Variants in CROT observed in about 807,000 individuals in gnomAD.
CROT encodes carnitine O-octanoyltransferase.
A neutral mutation model predicts 89.2 loss-of-function variants in CROT; 84 were observed. The ratio of observed to expected loss-of-function variants is 0.94; its 90% confidence interval spans 0.79 to 1.13. The LOEUF is 1.13. CROT is among the 50% of genes most tolerant of loss of function. The probability of loss-of-function intolerance (pLI) is 0.00; values close to 1 mark genes in which losing one functional copy is unlikely to be tolerated. For synonymous variants in CROT, 212 were observed against 239.5 expected (o/e 0.89, Z 1.06); for missense variants, 711 against 727.8 (o/e 0.98, Z 0.27).
chr7:87,375,790 C>T, intron 8 of CROT, 38 bp from the exon 9 acceptor site: 1 of 1,612,452 alleles, frequency 6.2e-7, no homozygotes, highest in South Asian at 1.1e-5. Context: ...TATTGTATTT[C>T]AGTTGTAATA....
intron 4 of CROT, 32 bp downstream of exon 4, chr7:87,359,362 G>A (rs997718879): frequency 1.1e-5 from 17 of 1,550,210 alleles, no homozygotes; most frequent in Non-Finnish European, 1.5e-5. Context: ...TAATGATGAT[G>A]TTTAAAGAAT....
chr7:87,392,834 G>A lies in CROT; in HGVS notation c.1598+11G>A, dbSNP rs1270099455. The A allele has an allele frequency of 4.3e-6, 7 of 1,611,458 alleles. No individual in the cohort carries two copies. Among genetic ancestry groups the A allele is most frequent in the South Asian group, 1.1e-5 (1 of 90,654 alleles). Reference sequence around the variant, plus strand: ...ACTTTTTTCCAAAAGGTAATATAGTGTAGTGTTTTACAGCTTCATCAATTG... The same window carrying A: ...ACTTTTTTCCAAAAGGTAATATAGTATAGTGTTTTACAGCTTCATCAATTG... On this transcript the variant is annotated intron_variant, in intron 16 of 17. Transcript: ENST00000331536.
Position 87,390,812 on chromosome 7 carries a change from T to G in CROT, c.1302-777T>G, listed in dbSNP as rs31642. On this transcript the variant is annotated intron_variant, in intron 13 of 17. Transcript: ENST00000331536. ...TATTACCTATTTCTGTGTAATAAAT[T>G]ACCCCAAAACGTAGTGGCTTAAAAC... Among the ~76,000 whole-genome samples the G allele has an allele frequency of 8.6e-3, 1,305 of 152,332 alleles. 30 individuals carry two copies. Among genetic ancestry groups the G allele is most frequent in the African/African-American group, 0.03 (1,233 of 41,562 alleles).
chr7:87,375,724 A>T lies in CROT; in HGVS notation c.749A>T (p.Lys250Met). 1 of 1,613,398 alleles carries T rather than the reference A, an allele frequency of 6.2e-7. No homozygotes were observed. Among genetic ancestry groups the T allele is most frequent in the Non-Finnish European group, 8.5e-7 (1 of 1,179,426 alleles). Residue 250 changes from lysine (K) to methionine (M), a missense_variant and splice_region_variant, in exon 8 of 18, where the codon AAG (lysine) becomes ATG (methionine). Lys to Met is a moderately conservative substitution (Grantham distance 95). Transcript: ENST00000331536. ...LTSEERTRWA[K>M]AREYLIGLDP... The stretch of plus-strand genomic sequence containing the variant: ...AGTGAGGAGCGAACTCGATGGGCTA[A>T]GGTTCTGATTTACACTTTTCTTAAC...
chr7:87,379,927 A>T (rs1434312117), intron 10 of CROT, among the ~76,000 whole-genome samples: 1 of 152,118 alleles, frequency 6.6e-6, no homozygotes, highest in Non-Finnish European at 1.5e-5. Context: ...CTTGGGCAAC[A>T]TAGTGAGACC....
chr7:87,358,827 C>T (rs1806182719), intron 3 of CROT, among the ~76,000 whole-genome samples: 1 of 152,136 alleles, frequency 6.6e-6, no homozygotes, highest in South Asian at 2.1e-4. Flanking sequence ...TGGACCTGTG[C>T]AGTTCAAACT....
At chr7:87,381,053 C>T (rs1420458685) in intron 10 of CROT, among the ~76,000 whole-genome samples, 1 of 152,164 alleles carries the variant, frequency 6.6e-6, no homozygotes, top group African/African-American at 2.4e-5. Context: ...ATACAGGCTA[C>T]AGAGCTATAG....
At chr7:87,372,999 T>C (rs1369477845) in intron 7 of CROT, among the ~76,000 whole-genome samples, 1 of 152,090 alleles carries the variant, frequency 6.6e-6, no homozygotes, top group African/African-American at 2.4e-5. Flanking sequence ...ATTTTAGGGG[T>C]AGAATTGCCA....
intron 3 of CROT, among the ~76,000 whole-genome samples, chr7:87,356,604 A>G (rs1309774318): frequency 6.6e-6 from 1 of 152,218 alleles, no homozygotes; most frequent in Non-Finnish European, 1.5e-5. Context: ...CACCAGAATG[A>G]TAACAGGCTG....
At chr7:87,360,862 T>C (rs1242536685) in intron 4 of CROT, among the ~76,000 whole-genome samples, 2 of 152,200 alleles carry the variant, frequency 1.3e-5, no homozygotes, top group African/African-American at 2.4e-5. Context: ...TTTTTGATAG[T>C]GTAGTTAAAA....
intron 10 of CROT, among the ~76,000 whole-genome samples, chr7:87,379,685 C>T (rs1408614524): frequency 1.3e-5 from 2 of 152,244 alleles, no homozygotes; most frequent in Non-Finnish European, 2.9e-5. Flanking sequence ...TGTGCATTAA[C>T]ATGCATATAT....
At chr7:87,388,990 G>A (rs1358194610) in intron 13 of CROT, among the ~76,000 whole-genome samples, 2 of 152,148 alleles carry the variant, frequency 1.3e-5, no homozygotes, top group African/African-American at 2.4e-5. Context: ...CTCAAAAGAA[G>A]ACATTTATGT....
In CROT at chr7:87,361,563, A is replaced by G; in HGVS notation, c.414A>G (p.Leu138=). The change falls in exon 5 of 18, where the codon CTA becomes CTG. Residue 138 remains leucine (L), a synonymous_variant. Coordinates refer to ENST00000331536, the MANE Select transcript of CROT (RefSeq NM_021151.4). ...TLWHNLNYWQ[L]LRKEKVPVHK... ...GGCATAACTTGAACTACTGGCAGCT[A>G]TTAAGAAAGTAAGGACACATGTGAA... The G allele has an allele frequency of 2.5e-6, 4 of 1,591,860 alleles. No homozygotes were observed. The highest frequency in any genetic ancestry group is 2.6e-6 in the Non-Finnish European group (3 of 1,170,524).
chr7:87,366,943 GT>G (rs1186486640), intron 6 of CROT, among the ~76,000 whole-genome samples: 2 of 152,162 alleles, frequency 1.3e-5, no homozygotes, highest in Non-Finnish European at 2.9e-5. Context: ...AGAGAAGACT[GT>G]TTTATGCCTT....
chr7:87,359,873 C>G, intron 4 of CROT: 1 of 985,922 alleles, frequency 1.0e-6, no homozygotes, highest in Non-Finnish European at 1.2e-6. Flanking sequence ...TTCTTCAGCT[C>G]AACCATTTCT....
chr7:87,358,079 G>GC (rs1806143226), intron 3 of CROT, among the ~76,000 whole-genome samples: 1 of 152,150 alleles, frequency 6.6e-6, no homozygotes, highest in African/African-American at 2.4e-5. Context: ...TAACAACACT[G>GC]TTAGAAGTTG....
At chr7:87,364,698 T>C (rs879608412) in intron 6 of CROT, among the ~76,000 whole-genome samples, 4 of 152,052 alleles carry the variant, frequency 2.6e-5, no homozygotes, top group Admixed American at 6.5e-5. Flanking sequence ...GGGGAGAAGA[T>C]AAGGAGCCAA....
intron 2 of CROT, among the ~76,000 whole-genome samples, chr7:87,347,144 T>C (rs1176931003): frequency 6.6e-6 from 1 of 152,262 alleles, no homozygotes; most frequent in Non-Finnish European, 1.5e-5. Flanking sequence ...TTTGCTCTTA[T>C]GGACTCAAGT....
Position 87,375,675 on chromosome 7 carries a change from G to A in CROT, c.700G>A (p.Gly234Arg), listed in dbSNP as rs781490447. The change falls in exon 8 of 18, where the codon GGA becomes AGA. Residue 234 changes from glycine to arginine, a missense_variant. Physicochemically the swap from Gly to Arg is moderately radical, Grantham distance 125. Transcript: ENST00000331536. ...IHKKCHSEPD[G>R]PGIAALTSEE... is the part of the protein sequence containing the mutation. ...CAAGAAGTGCCATAGTGAACCTGAT[G>A]GACCTGGGATTGCAGCATTAACTAG... 1.2e-6 allele frequency: 2 copies of A among 1,613,550 alleles called. No homozygotes were observed. The highest frequency in any genetic ancestry group is 2.2e-5 in the South Asian group (2 of 91,064).
Sources: gnomAD v4.1 joint callset for allele counts (sites outside exome capture counted in the v4.1 genomes callset) on GRCh38, gnomAD v4.1.1 for gene constraint, MANE v1.5 for transcripts, NCBI Gene and HGNC (gene_info 2026-07-23, HGNC 2026-07-21) for gene names.